Variants in EPHB1 observed in about 807,000 individuals in gnomAD.
EPHB1 encodes the protein ephrin type-B receptor 1.
In EPHB1, 30 loss-of-function variants were observed where a neutral mutation model predicts 94.4. The observed-to-expected ratio is 0.32, with a 90% CI of 0.24 to 0.43. The LOEUF (loss-of-function observed/expected upper bound fraction) is 0.43, where lower values mean the gene tolerates loss of function less well. Among genes scored for constraint, EPHB1 ranks in the 20% least tolerant of loss-of-function variants. The pLI, the probability that EPHB1 is intolerant of heterozygous loss-of-function variation, is 1.00. For synonymous variants in EPHB1, 522 were observed against 489.1 expected (o/e 1.07, Z -0.89); for missense variants, 1,055 against 1,308.3 (o/e 0.81, Z 2.99).
At chr3:135,135,038 C>T (rs1940568184) in intron 5 of EPHB1, among the ~76,000 whole-genome samples, 1 of 152,110 alleles carries the variant, frequency 6.6e-6, no homozygotes, top group Non-Finnish European at 1.5e-5. Flanking sequence ...TCATTTGTAT[C>T]CTCACCCTTT....
chr3:134,884,933 G>T (rs1560281614), intron 1 of EPHB1, among the ~76,000 whole-genome samples: 1 of 152,218 alleles, frequency 6.6e-6, no homozygotes. Context: ...AGTTGACAGT[G>T]CCTGAGCGGA....
chr3:135,050,912 TTGTGTGTGTGTGTG>T (rs61632320), intron 3 of EPHB1, among the ~76,000 whole-genome samples: 7 of 148,052 alleles, frequency 4.7e-5, no homozygotes, highest in South Asian at 4.4e-4. Flanking sequence ...TAAACACCCT[TTGTGTGTGTGTGTG>T]TGTGTGTGTG....
At chr3:135,178,637 G>A (rs1301391283) in intron 9 of EPHB1, among the ~76,000 whole-genome samples, 1 of 152,032 alleles carries the variant, frequency 6.6e-6, no homozygotes, top group South Asian at 2.1e-4. Flanking sequence ...AACTAGAGCT[G>A]GGGGTCACCA....
chr3:135,047,464 T>C (rs1230471337), intron 3 of EPHB1, among the ~76,000 whole-genome samples: 1 of 152,156 alleles, frequency 6.6e-6, no homozygotes, highest in Non-Finnish European at 1.5e-5. Flanking sequence ...CAGGTCTTCT[T>C]GTTAATTGGA....
At chr3:135,079,973 G>A (rs138251251) in intron 3 of EPHB1, among the ~76,000 whole-genome samples, 43 of 152,260 alleles carry the variant, frequency 2.8e-4, no homozygotes, top group African/African-American at 9.1e-4. Context: ...CTGGCTGGAC[G>A]AAGAGGTGTG....
chr3:135,162,348 T>C (rs905367223), intron 7 of EPHB1, among the ~76,000 whole-genome samples, 168 bp downstream of exon 7: 4 of 152,230 alleles, frequency 2.6e-5, no homozygotes, highest in Admixed American at 1.3e-4. Flanking sequence ...TTTCCTGATG[T>C]CTGGCTCATT....
In EPHB1 at chr3:135,201,776, G is replaced by T. The variant is rs2107713262; in HGVS notation, c.2346+87G>T. The T allele has an allele frequency of 7.8e-6, 10 of 1,289,136 alleles. No homozygotes were observed. The South Asian group carries it at 1.4e-4, about 17-fold the overall frequency. The allele number at this position is 1,289,136 out of a possible 1,614,324, so 79.9% of individuals were successfully genotyped here. ...GCTGGGAACTGTGACAGGGCACACT[G>T]GGAGGGAATGGAACCTGAACTGAGC... On this transcript the variant is annotated intron_variant, in intron 12 of 15. Transcript: ENST00000398015.
chr3:135,011,088 C>T (rs1470419765), intron 3 of EPHB1, among the ~76,000 whole-genome samples: 1 of 152,156 alleles, frequency 6.6e-6, no homozygotes, highest in African/African-American at 2.4e-5. Context: ...ATCTTCTTGC[C>T]TATTTGTGTA....
At chr3:135,178,647 A>G (rs1051641266) in intron 9 of EPHB1, among the ~76,000 whole-genome samples, 9 of 152,068 alleles carry the variant, frequency 5.9e-5, no homozygotes, top group Admixed American at 4.6e-4. Flanking sequence ...GGGGGTCACC[A>G]GGGAACAAGC....
At chr3:135,254,969 A>C (rs926854376) in intron 15 of EPHB1, among the ~76,000 whole-genome samples, 1 of 152,140 alleles carries the variant, frequency 6.6e-6, no homozygotes, top group African/African-American at 2.4e-5. Flanking sequence ...CAAGGAATTT[A>C]TCCATTTCTT....
chr3:134,811,704 G>C (rs34848452), intron 1 of EPHB1, among the ~76,000 whole-genome samples: 17,594 of 152,200 alleles, frequency 0.12, 2,457 homozygotes, highest in African/African-American at 0.33. Flanking sequence ...CCAGGAATCA[G>C]TTTTCACCTT....
chr3:134,931,583 T>G (rs1162966030), intron 2 of EPHB1, among the ~76,000 whole-genome samples: 2 of 152,192 alleles, frequency 1.3e-5, no homozygotes, highest in Non-Finnish European at 2.9e-5. Flanking sequence ...TGTTGACTAC[T>G]GTAACACTGG....
chr3:135,098,714 T>A (rs998221067), intron 3 of EPHB1, among the ~76,000 whole-genome samples: 2 of 152,218 alleles, frequency 1.3e-5, no homozygotes, highest in South Asian at 2.1e-4. Flanking sequence ...CAGGAAATGA[T>A]AAGAATCCAC....
Position 134,921,984 on chromosome 3 carries a change from A to G in EPHB1, c.59-3832A>G, listed in dbSNP as rs374476939. The stretch of plus-strand genomic sequence containing the variant: ...ACTTGGGACCTGGTCTGCCCACACC[A>G]GCACTCTCTCCACCATGCGTGTGCC... On this transcript the variant is annotated intron_variant, in intron 1 of 15. Coordinates refer to ENST00000398015, the MANE Select transcript of EPHB1 (RefSeq NM_004441.5). 1.2e-3 allele frequency among the ~76,000 whole-genome samples: 184 copies of G among 152,272 alleles called. 2 individuals carry two copies. The South Asian group carries it at 0.016, about 13-fold the overall frequency.
chr3:135,100,483 G>C (rs1938996758), intron 3 of EPHB1, among the ~76,000 whole-genome samples: 1 of 152,182 alleles, frequency 6.6e-6, no homozygotes, highest in Non-Finnish European at 1.5e-5. Context: ...CATAAAAGTG[G>C]TTATTCCCTC....
chr3:134,979,748 C>T (rs1427548837), intron 3 of EPHB1, among the ~76,000 whole-genome samples: 2 of 151,078 alleles, frequency 1.3e-5, no homozygotes, highest in Non-Finnish European at 3.0e-5. Context: ...AGGAGCAACC[C>T]ATTGTAAGTC....
intron 4 of EPHB1, among the ~76,000 whole-genome samples, chr3:135,129,286 A>G (rs1940332865): frequency 6.6e-6 from 1 of 152,070 alleles, no homozygotes; most frequent in Non-Finnish European, 1.5e-5. Flanking sequence ...AGCATCGACA[A>G]GGGTGGGTCT....
chr3:134,806,278 T>C (rs2036041623), intron 1 of EPHB1, among the ~76,000 whole-genome samples: 1 of 152,184 alleles, frequency 6.6e-6, no homozygotes, highest in East Asian at 1.9e-4. Context: ...GGCAACACAG[T>C]TTCCACCTAG....
intron 4 of EPHB1, among the ~76,000 whole-genome samples, chr3:135,114,565 A>C (rs914030924): frequency 6.8e-6 from 1 of 146,922 alleles, no homozygotes; most frequent in Admixed American, 6.8e-5. Flanking sequence ...AAAAAAAAAA[A>C]ATACAAAAAT....
Sources: gnomAD v4.1 joint callset for allele counts (sites outside exome capture counted in the v4.1 genomes callset) on GRCh38, gnomAD v4.1.1 for gene constraint, MANE v1.5 for transcripts, NCBI Gene and HGNC (gene_info 2026-07-23, HGNC 2026-07-21) for gene names.